Variants in BICD1 observed in about 807,000 individuals in gnomAD.
BICD1 encodes the protein protein bicaudal D homolog 1.
Under a neutral mutation model 92.5 loss-of-function variants are expected in BICD1, and 35 were observed. The ratio of observed to expected loss-of-function variants is 0.38; its 90% CI spans 0.29 to 0.50. The LOEUF (loss-of-function observed/expected upper bound fraction) is 0.50. BICD1 is among the 20% of genes least tolerant of loss of function. The pLI is 0.93. For missense variants in BICD1, 950 were observed against 1,189.8 expected (o/e 0.80, Z 2.97); for synonymous variants, 429 against 465.1 (o/e 0.92, Z 1.00).
Position 32,377,645 on chromosome 12 carries a change from C to A in BICD1, c.*18C>A, listed in dbSNP as rs894367183. 1 of 1,600,202 alleles carries A rather than the reference C, an allele frequency of 6.2e-7. No individual in the cohort carries two copies. ...ACCCCTAGTCTTCATCTCCTGTGGA[C>A]GAACATCTGGGGTGGAAGTTTTGTA... On this transcript the variant is annotated 3_prime_UTR_variant, in exon 10 of 10. Transcript: ENST00000652176.
chr12:32,324,736 C>T (rs975031403), intron 4 of BICD1, among the ~76,000 whole-genome samples: 3 of 151,914 alleles, frequency 2.0e-5, no homozygotes, highest in South Asian at 4.1e-4. Context: ...CCACCTTGCC[C>T]GGCTAATTTT....
chr12:32,344,909 C>T (rs1037639142), intron 8 of BICD1, among the ~76,000 whole-genome samples: 3 of 152,122 alleles, frequency 2.0e-5, no homozygotes, highest in Admixed American at 6.5e-5. Flanking sequence ...TTTCTTTGAA[C>T]ATAGTTTCCA....
At position 32,216,234 on chromosome 12, in the gene BICD1, A is replaced by C. The variant is rs748616460; in HGVS notation, c.214-13A>C. 1 of 1,611,686 alleles carries C rather than the reference A, an allele frequency of 6.2e-7. No homozygotes were observed. Among genetic ancestry groups the C allele is most frequent in the Non-Finnish European group, 8.5e-7 (1 of 1,179,094 alleles). On this transcript the variant is annotated splice_polypyrimidine_tract_variant and intron_variant, in intron 1 of 9. Coordinates refer to ENST00000652176, the MANE Select transcript of BICD1 (RefSeq NM_001714.4). ...TTCATTGTGTACTCTTTTTCTTCCC[A>C]TATACTCTGCAGGCATTTGGGCAGT...
chr12:32,255,724 C>G (rs1946699190), intron 2 of BICD1, among the ~76,000 whole-genome samples: 1 of 152,120 alleles, frequency 6.6e-6, no homozygotes, highest in Admixed American at 6.5e-5. Context: ...GGTGCTTTGC[C>G]CCAGATAGCT....
chr12:32,209,937 C>T (rs1565589201), intron 1 of BICD1, among the ~76,000 whole-genome samples: 1 of 152,206 alleles, frequency 6.6e-6, no homozygotes, highest in Non-Finnish European at 1.5e-5. Context: ...ATACCAGCCA[C>T]ATTTCAAAAG....
intron 1 of BICD1, among the ~76,000 whole-genome samples, chr12:32,151,775 G>A (rs1943294316): frequency 6.6e-6 from 1 of 152,108 alleles, no homozygotes; most frequent in African/African-American, 2.4e-5. Flanking sequence ...TACCTGAGTG[G>A]AATCTGTGGT....
chr12:32,319,481 G>A (rs377608259), intron 4 of BICD1, among the ~76,000 whole-genome samples: 3 of 152,198 alleles, frequency 2.0e-5, no homozygotes, highest in South Asian at 4.1e-4. Flanking sequence ...GTATTTTGTT[G>A]AGGATTTTGT....
At position 32,145,167 on chromosome 12, in the gene BICD1, G is replaced by A. The variant is rs541118347; in HGVS notation, c.213+37623G>A. Among the ~76,000 whole-genome samples the A allele has an allele frequency of 5.9e-5, 9 of 151,302 alleles. No homozygotes were observed. In the South Asian group the frequency reaches 1.3e-3, roughly 21 times the overall value. On this transcript the variant is annotated intron_variant, in intron 1 of 9. Transcript: ENST00000652176. ...TGTTGTGGTCTTTGCTTCTGATAAG[G>A]GACAGAATAAATAGGAAGAAAGAAT...
intron 1 of BICD1, among the ~76,000 whole-genome samples, chr12:32,173,637 A>G (rs1002283125): frequency 6.6e-6 from 1 of 152,198 alleles, no homozygotes; most frequent in Non-Finnish European, 1.5e-5. Flanking sequence ...TCAGTTCAGT[A>G]GCTCAAAGAG....
At chr12:32,301,310 T>G (rs961105052) in intron 3 of BICD1, among the ~76,000 whole-genome samples, 1 of 152,044 alleles carries the variant, frequency 6.6e-6, no homozygotes, top group African/African-American at 2.4e-5. Context: ...AGTAACAACC[T>G]AGTTGAAATG....
chr12:32,238,316 A>G (rs1195195006), intron 2 of BICD1, among the ~76,000 whole-genome samples: 1 of 152,214 alleles, frequency 6.6e-6, no homozygotes, highest in Non-Finnish European at 1.5e-5. Flanking sequence ...TAGCATTAAG[A>G]ATGAAGCTTA....
chr12:32,365,239 AAAAAT>A (rs1355197679), intron 8 of BICD1, among the ~76,000 whole-genome samples: 1 of 152,210 alleles, frequency 6.6e-6, no homozygotes, highest in East Asian at 1.9e-4. Context: ...CTCTTGTCTC[AAAAAT>A]AAAATAAAAT....
intron 4 of BICD1, among the ~76,000 whole-genome samples, chr12:32,319,780 G>A (rs1565667610): frequency 6.6e-6 from 1 of 152,090 alleles, no homozygotes; most frequent in East Asian, 1.9e-4. Context: ...GTTTCACCAT[G>A]TTCAGGCTGG....
chr12:32,331,053 G>A (rs896622789), intron 5 of BICD1, among the ~76,000 whole-genome samples: 3 of 152,040 alleles, frequency 2.0e-5, no homozygotes, highest in African/African-American at 7.2e-5. Flanking sequence ...AGAATCACTT[G>A]AACCCCGGGG....
At chr12:32,276,155 A>C (rs564853487) in intron 2 of BICD1, among the ~76,000 whole-genome samples, 1 of 152,194 alleles carries the variant, frequency 6.6e-6, no homozygotes, top group Non-Finnish European at 1.5e-5. Flanking sequence ...GATGCAGTCC[A>C]TGACTAAGAT....
At chr12:32,292,653 A>G (rs2136191265) in intron 2 of BICD1, among the ~76,000 whole-genome samples, 1 of 152,302 alleles carries the variant, frequency 6.6e-6, no homozygotes, top group East Asian at 1.9e-4. Flanking sequence ...GGCTCTGCAA[A>G]TTATGGTGTG....
At chr12:32,181,172 C>T (rs1376382733) in intron 1 of BICD1, among the ~76,000 whole-genome samples, 1 of 151,748 alleles carries the variant, frequency 6.6e-6, no homozygotes, top group Non-Finnish European at 1.5e-5. Context: ...GTAACCCCAG[C>T]AGTTTGGGAG....
At chr12:32,118,148 C>G (rs925492619) in intron 1 of BICD1, among the ~76,000 whole-genome samples, 7 of 151,266 alleles carry the variant, frequency 4.6e-5, no homozygotes, top group African/African-American at 1.7e-4. Context: ...GTGGCGCGAA[C>G]TCGGCTCACT....
intron 2 of BICD1, among the ~76,000 whole-genome samples, chr12:32,253,490 CTT>C (rs551129231): frequency 4.8e-5 from 7 of 146,324 alleles, no homozygotes; most frequent in East Asian, 4.0e-4. Context: ...GCCGTGGATT[CTT>C]TTTTTTTTTA....
Sources: gnomAD v4.1 joint callset for allele counts (sites outside exome capture counted in the v4.1 genomes callset) on GRCh38, gnomAD v4.1.1 for gene constraint, MANE v1.5 for transcripts, NCBI Gene and HGNC (gene_info 2026-07-23, HGNC 2026-07-21) for gene names.